Variants in SRRM4 observed in about 807,000 individuals in gnomAD.
The protein encoded by SRRM4 is serine/arginine repetitive matrix 4.
In SRRM4, 33 loss-of-function variants were observed where a neutral mutation model predicts 68.9. The ratio of observed to expected loss-of-function variants is 0.48; its 90% CI spans 0.36 to 0.64. SRRM4 has a LOEUF of 0.64. SRRM4 is among the 30% of genes least tolerant of loss of function. The pLI, the probability that SRRM4 is intolerant of heterozygous loss-of-function variation, is 0.00. For synonymous variants in SRRM4, 318 were observed against 318.8 expected (o/e 1.00, Z 0.03); for missense variants, 817 against 827.1 (o/e 0.99, Z 0.15).
At chr12:119,010,259 G>T (rs1953441036) in intron 1 of SRRM4, among the ~76,000 whole-genome samples, 1 of 152,184 alleles carries the variant, frequency 6.6e-6, no homozygotes, top group South Asian at 2.1e-4. Context: ...CGCCATGTTG[G>T]CCAGGCTCGT....
intron 1 of SRRM4, among the ~76,000 whole-genome samples, chr12:119,002,208 CGAAAA>C (rs1252349699): frequency 1.8e-4 from 27 of 150,740 alleles, no homozygotes; most frequent in African/African-American, 6.6e-4. Context: ...ATGCTGATTG[CGAAAA>C]GAAAAGAAGC....
At chr12:118,984,781 T>C (rs1953272136) in intron 1 of SRRM4, among the ~76,000 whole-genome samples, 1 of 152,156 alleles carries the variant, frequency 6.6e-6, no homozygotes, top group African/African-American at 2.4e-5. Flanking sequence ...ACCAGATGTC[T>C]GCCTCAAATG....
intron 1 of SRRM4, among the ~76,000 whole-genome samples, chr12:119,020,833 T>C (rs904282371): frequency 6.6e-6 from 1 of 152,150 alleles, no homozygotes; most frequent in African/African-American, 2.4e-5. Flanking sequence ...GAACCCAGAA[T>C]GAGGAAGGAC....
At chr12:119,006,768 TC>T (rs1953418805) in intron 1 of SRRM4, among the ~76,000 whole-genome samples, 1 of 152,200 alleles carries the variant, frequency 6.6e-6, no homozygotes, top group Admixed American at 6.5e-5. Context: ...ATTCTATTGG[TC>T]AAATGCGACC....
intron 1 of SRRM4, among the ~76,000 whole-genome samples, chr12:119,073,680 A>G (rs191174744): frequency 7.2e-5 from 11 of 152,208 alleles, no homozygotes; most frequent in African/African-American, 2.6e-4. Context: ...GAGTATAGTG[A>G]CACCATCATA....
intron 1 of SRRM4, chr12:118,993,825 T>C (rs1018657956): frequency 2.6e-5 from 4 of 152,204 alleles, no homozygotes; most frequent in Non-Finnish European, 5.9e-5. Flanking sequence ...TGTGGGCTTT[T>C]GGAAAGAGAA....
rs1954516465 is a variant in SRRM4, at chr12:119,161,914, T to A, written c.*5116T>A. On this transcript the variant is annotated 3_prime_UTR_variant, in exon 13 of 13. Transcript: ENST00000267260. ...AAAAAAATAAAGAAAAATTGTAAAC[T>A]CTTTTTTTTTTCTGGCCAAGGAAAG... 1 of 151,876 alleles carries A rather than the reference T, an allele frequency of 6.6e-6. No individual in the cohort carries two copies. Among genetic ancestry groups the A allele is most frequent in the Non-Finnish European group, 1.5e-5 (1 of 67,934 alleles). 9.4% of individuals were successfully genotyped at this position (151,876 alleles called of 1,614,324 possible). A position where few individuals can be genotyped will look rare whatever the true frequency, so the allele number is the denominator to read the frequency against.
chr12:119,075,536 G>A lies in SRRM4; in HGVS notation c.132-26700G>A, dbSNP rs540023195. The stretch of plus-strand genomic sequence containing the variant: ...GATGGTGGTAATGATGGTGATAATG[G>A]TAGCAATGATGGTGATGATGATGGT... On this transcript the variant is annotated intron_variant, in intron 1 of 12. Coordinates refer to ENST00000267260, the MANE Select transcript of SRRM4 (RefSeq NM_194286.4). Among the ~76,000 whole-genome samples the A allele has an allele frequency of 1.0e-4, 15 of 145,562 alleles. No homozygotes were observed. The East Asian group carries it at 3.1e-3, about 30-fold the overall frequency.
intron 1 of SRRM4, among the ~76,000 whole-genome samples, chr12:119,085,055 C>T (rs1953971300): frequency 6.6e-6 from 1 of 152,128 alleles, no homozygotes; most frequent in Non-Finnish European, 1.5e-5. Flanking sequence ...TGCCCACCAC[C>T]ACGCTGGGCT....
At chr12:119,124,928 T>A (rs913455474) in intron 6 of SRRM4, among the ~76,000 whole-genome samples, 1 of 152,186 alleles carries the variant, frequency 6.6e-6, no homozygotes, top group Admixed American at 6.5e-5. Flanking sequence ...ACACAAATAT[T>A]CTGGAGGCAA....
intron 1 of SRRM4, among the ~76,000 whole-genome samples, chr12:119,076,147 GAAT>G (rs79279866): frequency 0.14 from 20,555 of 151,844 alleles, 1,487 homozygotes; most frequent in East Asian, 0.21. Flanking sequence ...ATGACAATGG[GAAT>G]AATGATGATG....
chr12:119,021,084 G>A (rs1953513440), intron 1 of SRRM4, among the ~76,000 whole-genome samples: 1 of 152,140 alleles, frequency 6.6e-6, no homozygotes, highest in East Asian at 1.9e-4. Context: ...ACATCTAGAC[G>A]TCAGGTAAGT....
intron 1 of SRRM4, among the ~76,000 whole-genome samples, chr12:119,006,969 G>C (rs1281477091): frequency 6.6e-6 from 1 of 152,222 alleles, no homozygotes; most frequent in African/African-American, 2.4e-5. Flanking sequence ...GGGCCTGCTT[G>C]GGATTGGCAG....
At position 119,089,088 on chromosome 12, in the gene SRRM4, C is replaced by T. The variant is rs978346788; in HGVS notation, c.132-13148C>T. On this transcript the variant is annotated intron_variant, in intron 1 of 12. Transcript: ENST00000267260. ...CCCGGTGTCTCCTGGTTGTTCAGTCCCTGCCCCTCATCAACAGAGAAGCCA... is the reference window on the plus strand; with the variant it reads ...CCCGGTGTCTCCTGGTTGTTCAGTCTCTGCCCCTCATCAACAGAGAAGCCA... 7.2e-5 allele frequency among the ~76,000 whole-genome samples: 11 copies of T among 152,048 alleles called. 1 individual carries two copies. Among genetic ancestry groups the T allele is most frequent in the African/African-American group, 2.4e-4 (10 of 41,390 alleles).
chr12:119,038,368 T>C (rs1344041836), intron 1 of SRRM4, among the ~76,000 whole-genome samples: 1 of 151,972 alleles, frequency 6.6e-6, no homozygotes, highest in African/African-American at 2.4e-5. Context: ...CCCGCCACCA[T>C]GCCTGGCTAA....
At chr12:119,058,710 G>A (rs914661235) in intron 1 of SRRM4, among the ~76,000 whole-genome samples, 2 of 152,122 alleles carry the variant, frequency 1.3e-5, no homozygotes, top group Non-Finnish European at 2.9e-5. Flanking sequence ...GCTTCCTAGA[G>A]TGGAGACAAG....
intron 7 of SRRM4, among the ~76,000 whole-genome samples, chr12:119,129,097 G>C (rs1954277810): frequency 6.6e-6 from 1 of 152,198 alleles, no homozygotes; most frequent in Non-Finnish European, 1.5e-5. Context: ...CCCTTGCTCT[G>C]CCACTTTCAG....
intron 8 of SRRM4, 150 bp from the exon 9 acceptor site, chr12:119,145,231 G>A: frequency 3.0e-6 from 2 of 670,796 alleles, no homozygotes; most frequent in South Asian, 4.9e-5. Context: ...AGGAATTTGT[G>A]CTTTTGTTTT....
chr12:119,070,153 C>T (rs1229012599), intron 1 of SRRM4, among the ~76,000 whole-genome samples: 1 of 151,488 alleles, frequency 6.6e-6, no homozygotes, highest in Non-Finnish European at 1.5e-5. Flanking sequence ...ATGAAAAGCA[C>T]TCTACAGTAT....
Sources: gnomAD v4.1 joint callset for allele counts (sites outside exome capture counted in the v4.1 genomes callset) on GRCh38, gnomAD v4.1.1 for gene constraint, MANE v1.5 for transcripts, NCBI Gene and HGNC (gene_info 2026-07-23, HGNC 2026-07-21) for gene names.